POLA1: variants seen among roughly 807,000 people sequenced by gnomAD.
The protein encoded by POLA1 is DNA polymerase alpha 1, catalytic subunit.
A neutral mutation model predicts 124.0 loss-of-function variants in POLA1; 15 were observed. The ratio of observed to expected loss-of-function variants is 0.12; its 90% CI spans 0.08 to 0.19. The LOEUF (loss-of-function observed/expected upper bound fraction) is 0.19. Among genes scored for constraint, POLA1 ranks in the 10% least tolerant of loss-of-function variants. The pLI is 1.00. For synonymous variants in POLA1, 408 were observed against 389.4 expected (o/e 1.05, Z -0.56); for missense variants, 886 against 1,103.4 (o/e 0.80, Z 2.79).
chrX:24,861,129 G>A (rs2046710333), intron 34 of POLA1, among the ~76,000 whole-genome samples: 2 of 112,013 alleles, frequency 1.8e-5, no homozygotes, highest in South Asian at 7.4e-4. Flanking sequence ...TTTTATTTTT[G>A]TTTTGTTTTG....
chrX:24,857,571 T>G (rs2046662608), intron 34 of POLA1, among the ~76,000 whole-genome samples: 1 of 111,719 alleles, frequency 9.0e-6, no homozygotes, highest in Non-Finnish European at 1.9e-5. Context: ...TTTTCTTCCA[T>G]TAACATTTTA....
At chrX:24,694,063 G>T in intron 1 of POLA1, 59 bp downstream of exon 1, 3 of 1,048,839 alleles carry the variant, frequency 2.9e-6, no homozygotes, top group Non-Finnish European at 2.6e-6. Flanking sequence ...ATTGCCGGTG[G>T]TGGGGGTTCT....
chrX:24,745,596 A>C, intron 24 of POLA1, 54 bp downstream of exon 24: 1 of 819,445 alleles, frequency 1.2e-6, no homozygotes, highest in Non-Finnish European at 1.8e-6. Context: ...TTGCTTAAAG[A>C]AGGAAGATCT....
At chrX:24,824,282 G>A (rs774480100) in intron 31 of POLA1, among the ~76,000 whole-genome samples, 26 of 110,027 alleles carry the variant, frequency 2.4e-4, no homozygotes, top group Middle Eastern at 9.3e-3. Flanking sequence ...TGAAATCTTT[G>A]AAGGTTATTA....
intron 26 of POLA1, among the ~76,000 whole-genome samples, chrX:24,752,873 C>G (rs1932392801): frequency 9.0e-6 from 1 of 111,582 alleles, no homozygotes; most frequent in South Asian, 3.8e-4. Flanking sequence ...ATTCTGATTT[C>G]TGGCCATGGA....
intron 36 of POLA1, among the ~76,000 whole-genome samples, chrX:24,960,872 A>G (rs770894994): frequency 6.8e-4 from 76 of 112,450 alleles, no homozygotes; most frequent in African/African-American, 2.4e-3. Context: ...CAGAATAGCC[A>G]TGAACAAGGC....
Position 24,906,468 on chromosome X carries a change from C to G in POLA1, c.4164+18346C>G, listed in dbSNP as rs79937600. On this transcript the variant is annotated intron_variant, in intron 35 of 36. Transcript: ENST00000379068. ...GTATGTTCCCACTTATAAGGGGGAG[C>G]TAAGCTATGAGGATGCAAAGGCATA... Among the ~76,000 whole-genome samples, 11 of 104,257 alleles carry G rather than the reference C, an allele frequency of 1.1e-4. No individual in the cohort carries two copies. In the East Asian group the frequency reaches 3.3e-3, roughly 31 times the overall value. The allele number at this position is 104,257 out of a possible 115,157, so 90.5% of individuals were successfully genotyped here.
intron 26 of POLA1, among the ~76,000 whole-genome samples, chrX:24,799,676 T>TCCCA (rs1433958877): frequency 8.9e-6 from 1 of 111,955 alleles, no homozygotes; most frequent in African/African-American, 3.2e-5. Context: ...GAAATTAGAA[T>TCCCA]GTCCCAAAAT....
intron 26 of POLA1, among the ~76,000 whole-genome samples, chrX:24,751,499 A>T (rs1394211790): frequency 8.9e-6 from 1 of 112,108 alleles, no homozygotes; most frequent in Non-Finnish European, 1.9e-5. Context: ...AATTCTTGGT[A>T]TCTGCTTTCC....
chrX:24,890,802 A>G, intron 35 of POLA1, among the ~76,000 whole-genome samples: 1 of 112,483 alleles, frequency 8.9e-6, no homozygotes, highest in Admixed American at 9.4e-5. Context: ...ATTAGCTGTC[A>G]TTGAATTATT....
chrX:24,701,541 T>C (rs1337576173), intron 2 of POLA1, among the ~76,000 whole-genome samples: 1 of 108,677 alleles, frequency 9.2e-6, no homozygotes, highest in Non-Finnish European at 1.9e-5. Context: ...GTTCAAGCGA[T>C]TGTCCTGCTT....
chrX:24,899,951 C>T (rs978656728), intron 35 of POLA1, among the ~76,000 whole-genome samples: 1 of 111,241 alleles, frequency 9.0e-6, no homozygotes, highest in Non-Finnish European at 1.9e-5. Context: ...TTTAAGTTAC[C>T]TAATGTTTTT....
intron 36 of POLA1, among the ~76,000 whole-genome samples, chrX:24,949,363 G>T (rs1410558297): frequency 9.0e-6 from 1 of 111,415 alleles, no homozygotes; most frequent in East Asian, 2.8e-4. Flanking sequence ...TTCCTGAATG[G>T]CCACAATTGA....
chrX:24,729,411 G>A (rs1275680721), intron 15 of POLA1, among the ~76,000 whole-genome samples: 1 of 111,748 alleles, frequency 8.9e-6, no homozygotes, highest in Non-Finnish European at 1.9e-5. Context: ...TGAGCTAATG[G>A]CTTCATTTAT....
intron 26 of POLA1, among the ~76,000 whole-genome samples, chrX:24,774,177 G>A (rs989864694): frequency 7.3e-5 from 8 of 110,305 alleles, no homozygotes; most frequent in South Asian, 3.8e-4. Flanking sequence ...TCTTTGGAAG[G>A]GTTGATGCTG....
intron 36 of POLA1, among the ~76,000 whole-genome samples, chrX:24,978,308 T>C (rs1237102901): frequency 8.9e-6 from 1 of 112,110 alleles, no homozygotes. Context: ...CACTTCTGTG[T>C]GTACTATCCT....
At chrX:24,943,925 A>G (rs2147234123) in intron 36 of POLA1, among the ~76,000 whole-genome samples, 1 of 111,931 alleles carries the variant, frequency 8.9e-6, no homozygotes, top group Non-Finnish European at 1.9e-5. Context: ...AGGGCACAGC[A>G]AAATCTAAAG....
chrX:24,909,830 A>G (rs1249122693), intron 35 of POLA1, among the ~76,000 whole-genome samples: 1 of 109,709 alleles, frequency 9.1e-6, no homozygotes, highest in Non-Finnish European at 1.9e-5. Flanking sequence ...CTTGGGCAGT[A>G]TGGCCATTTT....
chrX:24,798,775 G>A lies in POLA1; in HGVS notation c.2965-11123G>A, dbSNP rs781338178. On this transcript the variant is annotated intron_variant, in intron 26 of 36. Transcript: ENST00000379068. ...AAGGGGATTGGTGCCCCTAACCTCC[G>A]CATCGTTCAAGGGTCAACTGTATTT... is the stretch of plus-strand genomic sequence containing the variant. 9.3e-4 allele frequency among the ~76,000 whole-genome samples: 103 copies of A among 111,161 alleles called. 1 individual carries two copies. The highest frequency in any genetic ancestry group is 9.2e-3 in the Middle Eastern group (2 of 217).
Sources: allele counts gnomAD v4.1 joint callset (sites outside exome capture counted in the v4.1 genomes callset), GRCh38; gene constraint gnomAD v4.1.1; transcripts MANE v1.5; gene names NCBI Gene and HGNC (gene_info 2026-07-23, HGNC 2026-07-21).